LRMDA: variants seen among roughly 807,000 people sequenced by gnomAD.
The protein encoded by LRMDA is leucine rich melanocyte differentiation associated.
In LRMDA, 18 loss-of-function variants were observed where a neutral mutation model predicts 29.8. The ratio of observed to expected loss-of-function variants is 0.60; its 90% CI spans 0.42 to 0.90. The LOEUF (loss-of-function observed/expected upper bound fraction) is 0.90. Among genes scored for constraint, LRMDA ranks in the 40% least tolerant of loss-of-function variants. The pLI is 0.00. For synonymous variants in LRMDA, 125 were observed against 109.4 expected, an observed-to-expected ratio of 1.14 and a Z score of -0.89; for missense variants, 273 against 273.9, an observed-to-expected ratio of 1.00 and a Z score of 0.02.
chr10:76,276,497 G>GT (rs1240119185), intron 5 of LRMDA, among the ~76,000 whole-genome samples: 1 of 151,976 alleles, frequency 6.6e-6, no homozygotes, highest in Non-Finnish European at 1.5e-5. Context: ...AAATTTCTAA[G>GT]TTTTTTATAG....
At chr10:75,695,141 CAG>C (rs1275443808) in intron 2 of LRMDA, among the ~76,000 whole-genome samples, 3 of 152,096 alleles carry the variant, frequency 2.0e-5, no homozygotes, top group African/African-American at 4.8e-5. Flanking sequence ...ACCAGTAAGA[CAG>C]GGGTGGGTGG....
intron 5 of LRMDA, among the ~76,000 whole-genome samples, chr10:76,131,400 C>T (rs975562295): frequency 5.9e-5 from 9 of 152,118 alleles, no homozygotes; most frequent in Admixed American, 6.5e-5. Flanking sequence ...TCCCCCATCA[C>T]GTGGGTATCA....
At chr10:75,720,504 T>C (rs1274063517) in intron 2 of LRMDA, among the ~76,000 whole-genome samples, 1 of 152,222 alleles carries the variant, frequency 6.6e-6, no homozygotes, top group Non-Finnish European at 1.5e-5. Context: ...CCTGTGCCCA[T>C]TCTGTGAGTG....
intron 2 of LRMDA, among the ~76,000 whole-genome samples, chr10:75,961,853 G>A (rs1846772764): frequency 6.6e-6 from 1 of 152,176 alleles, no homozygotes; most frequent in African/African-American, 2.4e-5. Flanking sequence ...ATGTCAGTCG[G>A]GTTACTTCCT....
chr10:75,695,945 C>T (rs964912585), intron 2 of LRMDA, among the ~76,000 whole-genome samples: 4 of 151,978 alleles, frequency 2.6e-5, no homozygotes, highest in African/African-American at 4.8e-5. Context: ...TGGACATATA[C>T]GTTGAAAAGT....
chr10:75,925,417 G>T (rs1031439021), intron 2 of LRMDA, among the ~76,000 whole-genome samples: 1 of 152,058 alleles, frequency 6.6e-6, no homozygotes, highest in East Asian at 1.9e-4. Context: ...TTAGCGTCTG[G>T]GGGGGTTGGA....
chr10:75,721,854 C>T (rs1197158249), intron 2 of LRMDA, among the ~76,000 whole-genome samples: 1 of 152,114 alleles, frequency 6.6e-6, no homozygotes, highest in Non-Finnish European at 1.5e-5. Context: ...TATAGGGATC[C>T]TTGCTTTTTG....
intron 6 of LRMDA, chr10:76,396,566 T>G (rs552599885): frequency 6.6e-6 from 1 of 152,314 alleles, no homozygotes; most frequent in South Asian, 2.1e-4. Flanking sequence ...TCAGCCAAGA[T>G]GTCAGTGACC....
chr10:75,528,464 C>T (rs1382700118), intron 2 of LRMDA, among the ~76,000 whole-genome samples: 1 of 152,196 alleles, frequency 6.6e-6, no homozygotes, highest in African/African-American at 2.4e-5. Flanking sequence ...TCACCCAATG[C>T]TCTTTGCCTC....
At chr10:75,956,260 A>G (rs1269971117) in intron 2 of LRMDA, among the ~76,000 whole-genome samples, 3 of 152,230 alleles carry the variant, frequency 2.0e-5, no homozygotes, top group Non-Finnish European at 2.9e-5. Flanking sequence ...GTGGATTATT[A>G]GGAAATACAG....
At chr10:75,804,547 T>C (rs1214022065) in intron 2 of LRMDA, among the ~76,000 whole-genome samples, 1 of 152,242 alleles carries the variant, frequency 6.6e-6, no homozygotes, top group African/African-American at 2.4e-5. Flanking sequence ...TGGCATCTTC[T>C]GCTTTGCAAT....
chr10:75,923,903 A>G (rs944858896), intron 2 of LRMDA, among the ~76,000 whole-genome samples: 5 of 152,170 alleles, frequency 3.3e-5, no homozygotes. Context: ...GTGGAAACAC[A>G]CCAAAGTGAT....
intron 5 of LRMDA, among the ~76,000 whole-genome samples, chr10:76,299,184 T>C (rs1840448969): frequency 6.6e-6 from 1 of 151,926 alleles, no homozygotes; most frequent in African/African-American, 2.4e-5. Context: ...TGTGTGTGTG[T>C]GTGTGCATGC....
chr10:75,535,118 A>G (rs1313220565), intron 2 of LRMDA, among the ~76,000 whole-genome samples: 1 of 152,160 alleles, frequency 6.6e-6, no homozygotes, highest in Non-Finnish European at 1.5e-5. Flanking sequence ...AGTTCTTTTT[A>G]TCTTCTAAAT....
intron 2 of LRMDA, among the ~76,000 whole-genome samples, chr10:75,615,606 C>A (rs1282759223): frequency 6.6e-6 from 1 of 152,104 alleles, no homozygotes; most frequent in Admixed American, 6.6e-5. Context: ...GAACTAGAAT[C>A]CCTAAATATT....
chr10:76,138,446 C>G (rs1252872173), intron 5 of LRMDA, among the ~76,000 whole-genome samples: 1 of 151,246 alleles, frequency 6.6e-6, no homozygotes, highest in Non-Finnish European at 1.5e-5. Context: ...TAAACCTACT[C>G]CCCCCATTTG....
chr10:76,245,254 G>A (rs1246695244), intron 5 of LRMDA, among the ~76,000 whole-genome samples: 3 of 152,166 alleles, frequency 2.0e-5, no homozygotes, highest in Non-Finnish European at 2.9e-5. Context: ...AAAGACTTGA[G>A]ACCTCCACTG....
chr10:75,688,047 C>T (rs1328300344), intron 2 of LRMDA, among the ~76,000 whole-genome samples: 1 of 152,212 alleles, frequency 6.6e-6, no homozygotes, highest in Non-Finnish European at 1.5e-5. Flanking sequence ...AATCACCCAA[C>T]AGTTCCAATG....
At chr10:76,117,621 A>G (rs1362150195) in intron 5 of LRMDA, among the ~76,000 whole-genome samples, 1 of 152,264 alleles carries the variant, frequency 6.6e-6, no homozygotes, top group Non-Finnish European at 1.5e-5. Context: ...ACAGTCACTT[A>G]AAGACTGGCT....
Sources: gnomAD v4.1 joint callset for allele counts (sites outside exome capture counted in the v4.1 genomes callset) on GRCh38, gnomAD v4.1.1 for gene constraint, MANE v1.5 for transcripts, NCBI Gene and HGNC (gene_info 2026-07-23, HGNC 2026-07-21) for gene names.